Variants in RYR3 observed in about 807,000 individuals in gnomAD.
The protein encoded by RYR3 is brain ryanodine receptor-calcium release channel.
In RYR3, 207 loss-of-function variants were observed where a neutral mutation model predicts 584.3. The observed-to-expected ratio is 0.35, with a 90% confidence interval of 0.32 to 0.40. The LOEUF is 0.40. RYR3 is among the 10% of genes least tolerant of loss of function. The pLI, the probability that RYR3 is intolerant of heterozygous loss-of-function variation, is 1.00. For missense variants in RYR3, 5,616 were observed against 6,089.2 expected (o/e 0.92, Z 2.59); for synonymous variants, 2,416 against 2,248.5 (o/e 1.07, Z -2.11).
chr15:33,662,596 A>C lies in RYR3; in HGVS notation c.5066A>C (p.Glu1689Ala). The C allele has an allele frequency of 6.2e-7, 1 of 1,613,970 alleles. No homozygotes were observed. The highest frequency in any genetic ancestry group is 1.1e-5 in the South Asian group (1 of 91,082). Residue 1689 changes from glutamate (E) to alanine (A), a missense_variant, in exon 35 of 104, where the codon GAG (glutamate) becomes GCG (alanine). This residue lies in a region of RYR3 where 753 missense variants were observed against 741.0 expected (regional missense o/e 1.02). Coordinates refer to ENST00000634891, the MANE Select transcript of RYR3 (RefSeq NM_001036.6). ...AAGCAGAGCCCCGAGATTCCCTTGG[A>C]GAGTCTCAGGACGAAGGCTCTGAGT... ...HQKQSPEIPL[E>A]SLRTKALSML...
chr15:33,700,879 G>C lies in RYR3; in HGVS notation c.6380-98G>C, dbSNP rs571321615. Reference sequence around the variant, plus strand: ...ATGTAAGCCAGGTTTCAGTGTGTTTGCTGCCCTCTCCTGTCCGCTTACGTG... The same window carrying C: ...ATGTAAGCCAGGTTTCAGTGTGTTTCCTGCCCTCTCCTGTCCGCTTACGTG... On this transcript the variant is annotated intron_variant, in intron 41 of 103. Coordinates refer to ENST00000634891, the MANE Select transcript of RYR3 (RefSeq NM_001036.6). 8 of 765,458 alleles carry C rather than the reference G, an allele frequency of 1.0e-5. No individual in the cohort carries two copies. In the East Asian group the frequency reaches 1.9e-4, roughly 18 times the overall value. 47.4% of individuals were successfully genotyped at this position (765,458 alleles called of 1,614,324 possible).
intron 38 of RYR3, 56 bp from the exon 39 acceptor site, chr15:33,696,162 C>A (rs185247996): frequency 6.5e-7 from 1 of 1,538,972 alleles, no homozygotes; most frequent in Non-Finnish European, 8.8e-7. Flanking sequence ...CTGAAACACC[C>A]AGCTCTCCCT....
intron 12 of RYR3, among the ~76,000 whole-genome samples, chr15:33,576,156 T>A (rs570301803): frequency 6.6e-6 from 1 of 152,280 alleles, no homozygotes; most frequent in East Asian, 1.9e-4. Flanking sequence ...CAGGATGGAC[T>A]TAACAGCTGA....
chr15:33,416,066 G>GTA (rs1029947512), intron 1 of RYR3, among the ~76,000 whole-genome samples: 1 of 152,158 alleles, frequency 6.6e-6, no homozygotes, highest in African/African-American at 2.4e-5. Flanking sequence ...GCATTCCATA[G>GTA]TATATATATC....
At chr15:33,435,561 G>C (rs910511444) in intron 1 of RYR3, among the ~76,000 whole-genome samples, 1 of 152,098 alleles carries the variant, frequency 6.6e-6, no homozygotes, top group African/African-American at 2.4e-5. Context: ...GAAATTGATG[G>C]GTCAAATGGG....
At chr15:33,704,337 A>G (rs952731467) in intron 42 of RYR3, among the ~76,000 whole-genome samples, 1 of 152,092 alleles carries the variant, frequency 6.6e-6, no homozygotes, top group African/African-American at 2.4e-5. Flanking sequence ...AGTCAATATA[A>G]CTTACGGTTA....
intron 1 of RYR3, among the ~76,000 whole-genome samples, chr15:33,327,734 C>T (rs984712895): frequency 2.0e-5 from 3 of 152,234 alleles, no homozygotes; most frequent in East Asian, 1.9e-4. Flanking sequence ...TCCTTCCTCC[C>T]CATCTCTATC....
In RYR3 at chr15:33,504,904, A is replaced by G. The variant is rs2052335870; in HGVS notation, c.279+1166A>G. Among the ~76,000 whole-genome samples, 7 of 152,284 alleles carry G rather than the reference A, an allele frequency of 4.6e-5. No homozygotes were observed. The South Asian group carries it at 1.5e-3, about 32-fold the overall frequency. The stretch of plus-strand genomic sequence containing the variant: ...GTAATCCCTACGTATCCTTCAAGGA[A>G]CTAGTTTAGTTATTAGATGAGTTGA... On this transcript the variant is annotated intron_variant, in intron 3 of 103. Transcript: ENST00000634891.
intron 38 of RYR3, among the ~76,000 whole-genome samples, chr15:33,694,111 C>A (rs369762508): frequency 4.6e-5 from 7 of 151,894 alleles, no homozygotes; most frequent in African/African-American, 7.3e-5. Context: ...CTTTGGCCAG[C>A]GAACAAATCC....
chr15:33,601,955 G>C (rs1321502372), intron 17 of RYR3, among the ~76,000 whole-genome samples: 1 of 152,088 alleles, frequency 6.6e-6, no homozygotes, highest in Non-Finnish European at 1.5e-5. Context: ...GTGGCTTCTT[G>C]CATCCTCTGG....
intron 87 of RYR3, 104 bp from the exon 88 acceptor site, chr15:33,836,802 T>A: frequency 1.3e-6 from 1 of 778,210 alleles, no homozygotes; most frequent in Non-Finnish European, 2.1e-6. Flanking sequence ...CCGACACTGA[T>A]GCAGCCTGCA....
intron 47 of RYR3, among the ~76,000 whole-genome samples, chr15:33,729,251 G>GT (rs992842836): frequency 3.3e-5 from 5 of 152,058 alleles, no homozygotes; most frequent in African/African-American, 7.2e-5. Flanking sequence ...CAATTGCAGA[G>GT]TTTTTTTAAC....
At chr15:33,745,975 C>G in intron 52 of RYR3, 93 bp from the exon 53 acceptor site, 1 of 827,762 alleles carries the variant, frequency 1.2e-6, no homozygotes, top group Middle Eastern at 2.2e-4. Context: ...ATCCATTACT[C>G]CACTTGCTCC....
intron 55 of RYR3, among the ~76,000 whole-genome samples, chr15:33,748,986 C>G (rs1057027743): frequency 2.0e-5 from 3 of 152,144 alleles, no homozygotes; most frequent in Admixed American, 2.0e-4. Flanking sequence ...AGTTGTTATG[C>G]TGTATTGCTT....
At chr15:33,384,401 A>G (rs1031402985) in intron 1 of RYR3, among the ~76,000 whole-genome samples, 1 of 150,410 alleles carries the variant, frequency 6.6e-6, no homozygotes, top group African/African-American at 2.4e-5. Flanking sequence ...GTCAACACAA[A>G]TTGGGTATTT....
chr15:33,644,678 A>G (rs16957135), intron 28 of RYR3, among the ~76,000 whole-genome samples, 159 bp downstream of exon 28: 16,019 of 152,218 alleles, frequency 0.11, 956 homozygotes, highest in Admixed American at 0.19. Context: ...AGTTGCAGGC[A>G]TCTTAATTGG....
At position 33,827,244 on chromosome 15, in the gene RYR3, T is replaced by C. The variant is rs1462171603; in HGVS notation, c.11291T>C (p.Val3764Ala). The change falls in exon 85 of 104, where the codon GTG becomes GCG. Residue 3764 changes from valine (V) to alanine (A), a missense_variant. This residue lies in a region of RYR3 where 954 missense variants were observed against 1,132.2 expected (regional missense o/e 0.84). Transcript: ENST00000634891. Reference sequence around the variant, plus strand: ...ACTCAGATGGGCAACACCACCACCGTGAATGTCATCATCAGCACTGTGGAC... The same window carrying C: ...ACTCAGATGGGCAACACCACCACCGCGAATGTCATCATCAGCACTGTGGAC... ...LRTQMGNTTT[V>A]NVIISTVDYL... 7 of 1,552,622 alleles carry C rather than the reference T, an allele frequency of 4.5e-6. No homozygotes were observed. The South Asian group carries it at 4.8e-5, about 11-fold the overall frequency.
intron 1 of RYR3, among the ~76,000 whole-genome samples, chr15:33,459,106 C>G (rs62015584): frequency 0.011 from 1,746 of 152,314 alleles, 18 homozygotes; most frequent in Non-Finnish European, 0.019. Flanking sequence ...ATCCACCCTT[C>G]CCCAGAGATT....
intron 8 of RYR3, among the ~76,000 whole-genome samples, chr15:33,547,569 T>G (rs1041440575): frequency 4.6e-5 from 7 of 152,110 alleles, no homozygotes; most frequent in African/African-American, 1.7e-4. Context: ...AAATTTTATT[T>G]CAAAACACAT....
Sources: allele counts gnomAD v4.1 joint callset (sites outside exome capture counted in the v4.1 genomes callset), GRCh38; gene constraint gnomAD v4.1.1; regional missense constraint gnomAD v4.1.1; transcripts MANE v1.5; gene names NCBI Gene and HGNC (gene_info 2026-07-23, HGNC 2026-07-21).